Variants in NFIC observed in about 807,000 individuals in gnomAD.
The protein encoded by NFIC is nuclear factor I C.
In NFIC, 12 loss-of-function variants were observed where a neutral mutation model predicts 54.4. The ratio of observed to expected loss-of-function variants is 0.22; its 90% CI spans 0.14 to 0.36. The LOEUF is 0.36. Among genes scored for constraint, NFIC ranks in the 10% least tolerant of loss-of-function variants. NFIC has a pLI of 1.00. For synonymous variants in NFIC, 322 were observed against 319.2 expected (o/e 1.01, Z -0.09); for missense variants, 575 against 718.2 (o/e 0.80, Z 2.28).
At chr19:3,450,326 C>A (rs2082440939) in intron 7 of NFIC, among the ~76,000 whole-genome samples, 1 of 143,926 alleles carries the variant, frequency 6.9e-6, no homozygotes. Context: ...GCCTGGGTGA[C>A]AGAGCGAGAC....
At position 3,452,756 on chromosome 19, in the gene NFIC, C is replaced by A; in HGVS notation, c.1269+90C>A. The A allele has an allele frequency of 6.9e-7, 1 of 1,446,716 alleles. No individual in the cohort carries two copies. Among genetic ancestry groups the A allele is most frequent in the Admixed American group, 2.2e-5 (1 of 45,302 alleles). The allele number at this position is 1,446,716 out of a possible 1,614,324, so 89.6% of individuals were successfully genotyped here. The stretch of plus-strand genomic sequence containing the variant: ...TGCTCACACGAAGGCACAACCTCTG[C>A]TTAAAAGGGTCTTGAGGACTTGGCT... On this transcript the variant is annotated intron_variant, in intron 8 of 10. Coordinates refer to ENST00000443272, the MANE Select transcript of NFIC (RefSeq NM_001245002.2). This position sits in a 1 kb window ranked among gnomAD's most constrained non-coding sequence, Gnocchi z 5.3.
intron 4 of NFIC, among the ~76,000 whole-genome samples, chr19:3,433,994 G>T (rs1048539610): frequency 6.6e-6 from 1 of 152,110 alleles, no homozygotes; most frequent in Non-Finnish European, 1.5e-5. Flanking sequence ...CCTGGGCGCT[G>T]TCCTTCTTTA....
chr19:3,430,526 A>G (rs1313758496), intron 3 of NFIC, among the ~76,000 whole-genome samples: 1 of 151,998 alleles, frequency 6.6e-6, no homozygotes, highest in African/African-American at 2.4e-5. Flanking sequence ...GCCTGGCCTA[A>G]TTCCAGAACA....
Position 3,452,811 on chromosome 19 carries a change from G to C in NFIC, c.1269+145G>C, listed in dbSNP as rs1437164651. 9.6e-7 allele frequency: 1 copy of C among 1,037,874 alleles called. No homozygotes were observed. The highest frequency in any genetic ancestry group is 1.4e-6 in the Non-Finnish European group (1 of 729,320). 64.3% of individuals were successfully genotyped at this position (1,037,874 alleles called of 1,614,324 possible). A position where few individuals can be genotyped will look rare whatever the true frequency, so the allele number is the denominator to read the frequency against. On this transcript the variant is annotated intron_variant, in intron 8 of 10. Coordinates refer to ENST00000443272, the MANE Select transcript of NFIC (RefSeq NM_001245002.2). The surrounding 1 kb of genome is among the most constrained non-coding windows in gnomAD (Gnocchi z 5.3). ...AGTCCCCTCCTCTGTCGTGCTGGGA[G>C]GCAGCTGGATTGGGTCAGAATTGAG... is the stretch of plus-strand genomic sequence containing the variant.
At chr19:3,442,613 C>G (rs933689070) in intron 6 of NFIC, among the ~76,000 whole-genome samples, 8 of 152,120 alleles carry the variant, frequency 5.3e-5, no homozygotes, top group African/African-American at 1.9e-4. Flanking sequence ...TCTCAAACTC[C>G]TGACCTCAAG....
intron 7 of NFIC, 26 bp downstream of exon 7, chr19:3,449,165 G>A: frequency 6.2e-7 from 1 of 1,602,204 alleles, no homozygotes; most frequent in African/African-American, 1.3e-5. Flanking sequence ...CCCTGGCGGG[G>A]AGGGGCGGCG....
At chr19:3,446,024 TC>T (rs1021000108) in intron 6 of NFIC, among the ~76,000 whole-genome samples, 1 of 148,348 alleles carries the variant, frequency 6.7e-6, no homozygotes, top group African/African-American at 2.5e-5. Flanking sequence ...CCAGGACAGC[TC>T]CCTACAGAGA....
Position 3,421,491 on chromosome 19 carries a change from G to A in NFIC, c.563-3615G>A, listed in dbSNP as rs563767061. On this transcript the variant is annotated intron_variant, in intron 2 of 10. Coordinates refer to ENST00000443272, the MANE Select transcript of NFIC (RefSeq NM_001245002.2). ...GGGATCGGCTGCAGGGCTTGGGGCCGAGCTGGGCACACTCCCCTCGGCTGC... is the reference window on the plus strand; with the variant it reads ...GGGATCGGCTGCAGGGCTTGGGGCCAAGCTGGGCACACTCCCCTCGGCTGC... Among the ~76,000 whole-genome samples the A allele has an allele frequency of 2.7e-3, 417 of 152,334 alleles. 2 individuals are homozygous for A. Among genetic ancestry groups the A allele is most frequent in the African/African-American group, 9.4e-3 (392 of 41,592 alleles).
intron 2 of NFIC, among the ~76,000 whole-genome samples, chr19:3,388,150 C>T (rs1172220594): frequency 6.6e-6 from 1 of 152,126 alleles, no homozygotes; most frequent in Non-Finnish European, 1.5e-5. Flanking sequence ...CCGGGAATGG[C>T]GCGGTGGGCA....
At chr19:3,440,761 T>C (rs1466331654) in intron 6 of NFIC, among the ~76,000 whole-genome samples, 1 of 152,074 alleles carries the variant, frequency 6.6e-6, no homozygotes, top group African/African-American at 2.4e-5. Flanking sequence ...CCTCAGGTGA[T>C]CCGCCCGCCT....
intron 1 of NFIC, among the ~76,000 whole-genome samples, chr19:3,366,962 C>A (rs1298079079): frequency 6.7e-6 from 1 of 148,822 alleles, no homozygotes; most frequent in Non-Finnish European, 1.5e-5. Context: ...ATTTGCGTCC[C>A]CCCCCCACAC....
upstream of NFIC, chr19:3,366,537 G>GGGGGGGGGTTGGGGGGGGC: frequency 1.8e-6 from 1 of 571,336 alleles, no homozygotes. Context: ...CGCGGGGCGG[G>GGGGGGGGGTTGGGGGGGGC]GGGGGGGGTT....
At chr19:3,366,543 G>A (rs2080887075), upstream of NFIC, 6 of 579,920 alleles carry the variant, frequency 1.0e-5, no homozygotes, top group Non-Finnish European at 1.3e-5. Flanking sequence ...GCGGGGGGGG[G>A]GGTTGGGGGG....
chr19:3,416,645 C>T (rs936307879), intron 2 of NFIC, among the ~76,000 whole-genome samples: 1 of 151,416 alleles, frequency 6.6e-6, no homozygotes, highest in Admixed American at 6.6e-5. Flanking sequence ...CTGCGTCAGC[C>T]TCCTGAGTAG....
chr19:3,406,360 C>G (rs80024908), intron 2 of NFIC, among the ~76,000 whole-genome samples: 1 of 124,482 alleles, frequency 8.0e-6, no homozygotes. Flanking sequence ...TCCCATAGTG[C>G]TGGGATTACA....
chr19:3,420,270 G>A (rs2081932145), intron 2 of NFIC, among the ~76,000 whole-genome samples: 1 of 152,086 alleles, frequency 6.6e-6, no homozygotes, highest in African/African-American at 2.4e-5. Context: ...GCAGTGAGCC[G>A]TGATTGTGCC....
chr19:3,460,492 G>T (rs556251417), intron 10 of NFIC, among the ~76,000 whole-genome samples: 3 of 152,120 alleles, frequency 2.0e-5, no homozygotes, highest in East Asian at 1.9e-4. Context: ...TTAAAGAGGA[G>T]AATTTTTTTT....
chr19:3,385,555 GT>G (rs1187215294), intron 2 of NFIC, among the ~76,000 whole-genome samples: 1 of 147,402 alleles, frequency 6.8e-6, no homozygotes, highest in Non-Finnish European at 1.5e-5. Flanking sequence ...TTTTTTGGGG[GT>G]TTTTTTGGTT....
In NFIC at chr19:3,422,550, T is replaced by C. The variant is rs11085018; in HGVS notation, c.563-2556T>C. 3.1e-3 allele frequency among the ~76,000 whole-genome samples: 464 copies of C among 151,494 alleles called. 2 individuals are homozygous for C. Among genetic ancestry groups the C allele is most frequent in the Non-Finnish European group, 5.8e-3 (396 of 67,824 alleles). On this transcript the variant is annotated intron_variant, in intron 2 of 10. Transcript: ENST00000443272. ...GGCTAACACGGTGAAACCCCGTCTC[T>C]ATTAAAAATTCAAAAAATTAGCCGG...
Sources: allele counts gnomAD v4.1 joint callset (sites outside exome capture counted in the v4.1 genomes callset), GRCh38; gene constraint gnomAD v4.1.1; non-coding constraint Gnocchi (gnomAD v3.1); transcripts MANE v1.5; gene names NCBI Gene and HGNC (gene_info 2026-07-23, HGNC 2026-07-21).